The following ZC3H18 variants were observed in gnomAD, a reference collection of about 807,000 sequenced individuals.
ZC3H18 encodes the protein zinc finger CCCH domain-containing protein 18.
A neutral mutation model predicts 106.1 loss-of-function variants in ZC3H18; 8 were observed. The ratio of observed to expected loss-of-function variants is 0.08; its 90% CI spans 0.04 to 0.14. ZC3H18 has a LOEUF of 0.14. Ranked by LOEUF, ZC3H18 falls within the 10% of genes least tolerant of loss-of-function variation. ZC3H18 has a pLI of 1.00. For synonymous variants in ZC3H18, 635 were observed against 522.1 expected (o/e 1.22, Z -2.95); for missense variants, 1,318 against 1,278.4 (o/e 1.03, Z -0.47).
chr16:88,579,313 A>G (rs879542160), intron 2 of ZC3H18, among the ~76,000 whole-genome samples: 9 of 152,106 alleles, frequency 5.9e-5, no homozygotes, highest in African/African-American at 2.2e-4. Context: ...GAGGATGCCC[A>G]TGAGACTGAG....
At chr16:88,574,360 C>T (rs1597315222) in intron 1 of ZC3H18, among the ~76,000 whole-genome samples, 1 of 151,704 alleles carries the variant, frequency 6.6e-6, no homozygotes, top group African/African-American at 2.4e-5. Flanking sequence ...CAGGCACCTG[C>T]TATCATGCCC....
At chr16:88,585,447 C>T (rs973305458) in intron 2 of ZC3H18, among the ~76,000 whole-genome samples, 1 of 152,224 alleles carries the variant, frequency 6.6e-6, no homozygotes, top group Non-Finnish European at 1.5e-5. Context: ...TGGGCCTGCC[C>T]TGGTGGGGCA....
At chr16:88,628,946 G>A in intron 16 of ZC3H18, 92 bp downstream of exon 16, 1 of 1,286,862 alleles carries the variant, frequency 7.8e-7, no homozygotes, top group Non-Finnish European at 1.1e-6. Flanking sequence ...CTCTTAACAA[G>A]TAGGAGGAGG....
chr16:88,625,408 G>A, intron 13 of ZC3H18, 141 bp downstream of exon 13: 1 of 1,013,486 alleles, frequency 9.9e-7, no homozygotes, highest in Non-Finnish European at 1.5e-6. Flanking sequence ...GGCTGTGGAA[G>A]GCTGCGGTTG....
chr16:88,613,746 T>G (rs573090343), intron 8 of ZC3H18, among the ~76,000 whole-genome samples: 1 of 152,244 alleles, frequency 6.6e-6, no homozygotes, highest in African/African-American at 2.4e-5. Flanking sequence ...ATCAGGTTCA[T>G]GATGTGCAGT....
intron 10 of ZC3H18, 24 bp from the exon 11 acceptor site, chr16:88,623,934 C>T: frequency 4.4e-6 from 7 of 1,593,624 alleles, no homozygotes; most frequent in South Asian, 1.1e-5. Context: ...AGGCCCCTTC[C>T]GACACCTTTG....
chr16:88,629,924 T>C (rs1906553828), intron 16 of ZC3H18, among the ~76,000 whole-genome samples: 1 of 152,246 alleles, frequency 6.6e-6, no homozygotes, highest in South Asian at 2.1e-4. Context: ...AGGAAGCTGC[T>C]CACCTTTGTC....
intron 8 of ZC3H18, among the ~76,000 whole-genome samples, chr16:88,621,985 C>T (rs1194783958): frequency 6.6e-6 from 1 of 152,154 alleles, no homozygotes; most frequent in Non-Finnish European, 1.5e-5. Context: ...CCCTGAGTAA[C>T]AGACACTGAG....
At chr16:88,621,053 G>A (rs1386218302) in intron 8 of ZC3H18, among the ~76,000 whole-genome samples, 8 of 149,286 alleles carry the variant, frequency 5.4e-5, no homozygotes, top group Non-Finnish European at 1.0e-4. Context: ...TTTTTGTTTT[G>A]TTTTGTTTTG....
At chr16:88,589,178 G>A (rs946023875) in intron 3 of ZC3H18, among the ~76,000 whole-genome samples, 6 of 152,206 alleles carry the variant, frequency 3.9e-5, no homozygotes, top group Admixed American at 1.3e-4. Flanking sequence ...AGTTTGTTGT[G>A]TTGGCAAGGA....
At position 88,624,623 on chromosome 16, in the gene ZC3H18, G is replaced by C; in HGVS notation, c.1920G>C (p.Pro640=). Residue 640 remains proline (P), a synonymous_variant, in exon 12 of 18, where the codon CCG becomes CCC. Coordinates refer to ENST00000301011, the MANE Select transcript of ZC3H18 (RefSeq NM_144604.4). ...ACAGAGAGAAGTCAGTGAAGAAGCC[G>C]GCCCCGCCTCCAGCCCCACCACAGG... ...GKAGEKSVKK[P]APPPAPPQAT... is the part of the protein sequence containing the mutation. The C allele has an allele frequency of 6.2e-7, 1 of 1,613,804 alleles. No individual in the cohort carries two copies. Among genetic ancestry groups the C allele is most frequent in the Non-Finnish European group, 8.5e-7 (1 of 1,179,990 alleles).
At chr16:88,608,225 A>G (rs979282924) in intron 6 of ZC3H18, among the ~76,000 whole-genome samples, 1 of 152,218 alleles carries the variant, frequency 6.6e-6, no homozygotes, top group Admixed American at 6.5e-5. Flanking sequence ...GCCTCCACAC[A>G]GGGACAGGTG....
intron 2 of ZC3H18, among the ~76,000 whole-genome samples, chr16:88,586,385 C>T (rs1915431700): frequency 6.6e-6 from 1 of 152,204 alleles, no homozygotes; most frequent in Admixed American, 6.5e-5. Flanking sequence ...AGTGCTTCTC[C>T]CTGGTGCTGT....
intron 8 of ZC3H18, 147 bp from the exon 9 acceptor site, chr16:88,622,050 C>T: frequency 1.0e-6 from 1 of 975,260 alleles, no homozygotes. Context: ...TGTGAGTGGC[C>T]TTTTTTCCCC....
Position 88,621,446 on chromosome 16 carries a change from G to A in ZC3H18, c.1476-751G>A, listed in dbSNP as rs186539890. Among the ~76,000 whole-genome samples the A allele has an allele frequency of 4.6e-3, 707 of 152,144 alleles. 4 individuals are homozygous for A. The highest frequency in any genetic ancestry group is 0.01 in the Middle Eastern group (3 of 294). On this transcript the variant is annotated intron_variant, in intron 8 of 17. Coordinates refer to ENST00000301011, the MANE Select transcript of ZC3H18 (RefSeq NM_144604.4). ...TCACCATGTTAGCCAGGATGGTCTC[G>A]ATCTCTTGACCTCGTGATTCGCCCG... is the stretch of plus-strand genomic sequence containing the variant.
intron 2 of ZC3H18, among the ~76,000 whole-genome samples, chr16:88,583,305 G>T (rs1915244488): frequency 6.6e-6 from 1 of 152,266 alleles, no homozygotes; most frequent in Non-Finnish European, 1.5e-5. Flanking sequence ...CTCTGAGTTA[G>T]TCCTGTTTAG....
At chr16:88,628,930 C>G (rs4782388) in intron 16 of ZC3H18, 76 bp downstream of exon 16, 670,859 of 1,475,260 alleles carry the variant, frequency 0.45, 155,695 homozygotes, top group Admixed American at 0.58. Flanking sequence ...GTCTGAGACC[C>G]CATTGCTCTT....
intron 8 of ZC3H18, among the ~76,000 whole-genome samples, chr16:88,616,164 G>T (rs941015621): frequency 6.6e-6 from 1 of 152,224 alleles, no homozygotes; most frequent in East Asian, 1.9e-4. Flanking sequence ...TTCAGGAAGG[G>T]ACTGGGAGGT....
intron 5 of ZC3H18, among the ~76,000 whole-genome samples, chr16:88,599,449 A>G (rs1017861260): frequency 6.6e-6 from 1 of 152,054 alleles, no homozygotes; most frequent in African/African-American, 2.4e-5. Context: ...CTCCCTCGGC[A>G]TGTCACTTCC....
Sources: allele counts gnomAD v4.1 joint callset (sites outside exome capture counted in the v4.1 genomes callset), GRCh38; gene constraint gnomAD v4.1.1; transcripts MANE v1.5; gene names NCBI Gene and HGNC (gene_info 2026-07-23, HGNC 2026-07-21).